Variants in NPAS3 observed in about 807,000 individuals in gnomAD.
NPAS3 encodes the protein neuronal PAS domain-containing protein 3.
NPAS3 carries 14 observed loss-of-function variants against 73.1 expected under a neutral mutation model. The observed-to-expected ratio is 0.19, with a 90% CI of 0.13 to 0.30. The LOEUF (loss-of-function observed/expected upper bound fraction) is 0.30. Ranked by LOEUF, NPAS3 falls within the 10% of genes least tolerant of loss-of-function variation. The probability of loss-of-function intolerance (pLI) is 1.00; values close to 1 mark genes in which losing one functional copy is unlikely to be tolerated. For missense variants in NPAS3, 1,096 were observed against 1,250.0 expected, an observed-to-expected ratio of 0.88 and a Z score of 1.86; for synonymous variants, 620 against 541.5, an observed-to-expected ratio of 1.14 and a Z score of -2.01.
chr14:33,478,100 A>G (rs1054713962), intron 4 of NPAS3, among the ~76,000 whole-genome samples: 4 of 152,168 alleles, frequency 2.6e-5, no homozygotes, highest in Non-Finnish European at 5.9e-5. Flanking sequence ...AGCAGGAAAA[A>G]TTAGGGAAAG....
intron 5 of NPAS3, among the ~76,000 whole-genome samples, chr14:33,656,511 A>G (rs2059149081): frequency 6.6e-6 from 1 of 152,168 alleles, no homozygotes; most frequent in African/African-American, 2.4e-5. Flanking sequence ...CCTTCCTTCA[A>G]CCAAAGCAAT....
At chr14:33,655,331 C>CT (rs3059406) in intron 5 of NPAS3, among the ~76,000 whole-genome samples, 26,575 of 105,358 alleles carry the variant, frequency 0.25, 3,670 homozygotes, top group East Asian at 0.34. Context: ...ACCTTTGGCT[C>CT]TTTTTTTTTT....
At chr14:33,618,395 C>G (rs1348123292) in intron 5 of NPAS3, among the ~76,000 whole-genome samples, 1 of 152,128 alleles carries the variant, frequency 6.6e-6, no homozygotes, top group Non-Finnish European at 1.5e-5. Context: ...CTGGGAGTGA[C>G]AGAATCATCA....
intron 7 of NPAS3, among the ~76,000 whole-genome samples, chr14:33,766,374 T>C (rs1185196897): frequency 4.6e-5 from 7 of 152,314 alleles, no homozygotes; most frequent in African/African-American, 1.4e-4. Flanking sequence ...TACATCACTC[T>C]TCCCGCTCAC....
intron 2 of NPAS3, among the ~76,000 whole-genome samples, chr14:33,086,327 T>G (rs940784134): frequency 7.2e-5 from 11 of 152,176 alleles, no homozygotes; most frequent in African/African-American, 2.7e-4. Flanking sequence ...TATTCTTGTT[T>G]TGATTTAAGG....
At chr14:33,380,143 C>A (rs1331352162) in intron 4 of NPAS3, among the ~76,000 whole-genome samples, 3 of 151,952 alleles carry the variant, frequency 2.0e-5, no homozygotes, top group African/African-American at 7.3e-5. Context: ...AAATAAAATT[C>A]TGACTCTTGT....
intron 4 of NPAS3, among the ~76,000 whole-genome samples, chr14:33,445,906 CTCT>C (rs1308036981): frequency 6.6e-6 from 1 of 150,960 alleles, no homozygotes; most frequent in African/African-American, 2.4e-5. Context: ...AGGCCTGTGC[CTCT>C]TCTTTGGGTA....
intron 5 of NPAS3, among the ~76,000 whole-genome samples, chr14:33,618,646 G>A (rs562795647): frequency 3.9e-5 from 6 of 152,288 alleles, no homozygotes; most frequent in Admixed American, 2.0e-4. Context: ...ACCGGTCTAT[G>A]GCCTGGGAGT....
At chr14:33,400,090 C>T (rs1295752165) in intron 4 of NPAS3, among the ~76,000 whole-genome samples, 1 of 152,134 alleles carries the variant, frequency 6.6e-6, no homozygotes, top group Non-Finnish European at 1.5e-5. Context: ...AATGTATTTA[C>T]AGCTTCTGAT....
At chr14:33,646,124 G>T (rs751171467) in intron 5 of NPAS3, among the ~76,000 whole-genome samples, 29 of 152,140 alleles carry the variant, frequency 1.9e-4, no homozygotes, top group Non-Finnish European at 4.3e-4. Flanking sequence ...GTCTGCTGAG[G>T]CCTGAAGGAC....
chr14:33,726,964 C>T (rs2061284317), intron 6 of NPAS3, among the ~76,000 whole-genome samples: 1 of 152,136 alleles, frequency 6.6e-6, no homozygotes. Flanking sequence ...ATTTTTCACC[C>T]TGTGCTGTAG....
chr14:33,636,693 C>T (rs1177440648), intron 5 of NPAS3, among the ~76,000 whole-genome samples: 11 of 152,184 alleles, frequency 7.2e-5, no homozygotes, highest in Admixed American at 7.2e-4. Context: ...CCCCCAAACG[C>T]ACACCAGTCA....
At chr14:33,483,766 C>T (rs890662848) in intron 4 of NPAS3, among the ~76,000 whole-genome samples, 3 of 152,190 alleles carry the variant, frequency 2.0e-5, no homozygotes, top group African/African-American at 7.2e-5. Context: ...GCACCTCCCT[C>T]GAACAGCTTT....
At position 33,265,855 on chromosome 14, in the gene NPAS3, T is replaced by C. The variant is rs1457528220; in HGVS notation, c.385+50429T>C. Among the ~76,000 whole-genome samples the C allele has an allele frequency of 2.6e-5, 4 of 152,128 alleles. No individual in the cohort carries two copies. In the South Asian group the frequency reaches 8.3e-4, roughly 32 times the overall value. On this transcript the variant is annotated intron_variant, in intron 3 of 11. Coordinates refer to ENST00000356141, the Ensembl canonical transcript of NPAS3. ...GTCTATCATTAGATTACCTTGGAAA[T>C]CACTGTCCATGATTTCCTTTATTAG...
At chr14:33,710,885 T>C (rs1394940839) in intron 6 of NPAS3, among the ~76,000 whole-genome samples, 1 of 152,216 alleles carries the variant, frequency 6.6e-6, no homozygotes, top group African/African-American at 2.4e-5. Context: ...ACATGAGAAG[T>C]ATGTAATTTA....
intron 9 of NPAS3, among the ~76,000 whole-genome samples, chr14:33,783,236 G>A (rs1352709347): frequency 1.3e-5 from 2 of 152,214 alleles, no homozygotes; most frequent in African/African-American, 4.8e-5. Context: ...GTGAAGGAAA[G>A]AGAAAAGGTG....
intron 4 of NPAS3, among the ~76,000 whole-genome samples, chr14:33,507,223 T>C (rs2052808862): frequency 6.6e-6 from 1 of 152,008 alleles, no homozygotes; most frequent in Admixed American, 6.6e-5. Flanking sequence ...AAGGATAGAA[T>C]GCAGTTTTTT....
chr14:33,705,631 C>T (rs779028963), intron 6 of NPAS3, among the ~76,000 whole-genome samples: 7 of 152,164 alleles, frequency 4.6e-5, no homozygotes, highest in African/African-American at 7.2e-5. Flanking sequence ...ATTGGAAGTT[C>T]GTGTGGAATG....
intron 4 of NPAS3, among the ~76,000 whole-genome samples, chr14:33,382,906 C>T (rs1456977643): frequency 6.6e-6 from 1 of 151,870 alleles, no homozygotes. Flanking sequence ...GCCTGGGCAA[C>T]CTGGCAATAC....
Sources: allele counts gnomAD v4.1 joint callset (sites outside exome capture counted in the v4.1 genomes callset), GRCh38; gene constraint gnomAD v4.1.1; transcripts MANE v1.5; gene names NCBI Gene and HGNC (gene_info 2026-07-23, HGNC 2026-07-21).